FBXO22: variants seen among roughly 807,000 people sequenced by gnomAD.
FBXO22 encodes the protein F-box only protein 22.
A neutral mutation model predicts 37.2 loss-of-function variants in FBXO22; 13 were observed. That is an observed-to-expected ratio of 0.35 (90% CI 0.23 to 0.56). The LOEUF (loss-of-function observed/expected upper bound fraction) is 0.56. FBXO22 is among the 20% of genes least tolerant of loss of function. FBXO22 has a pLI of 0.87. For synonymous variants in FBXO22, 189 were observed against 189.1 expected, an observed-to-expected ratio of 1.00 and a Z score of 0.00; for missense variants, 446 against 509.9, an observed-to-expected ratio of 0.87 and a Z score of 1.21.
chr15:75,920,298 C>T (rs1457995888), intron 5 of FBXO22, among the ~76,000 whole-genome samples: 1 of 152,136 alleles, frequency 6.6e-6, no homozygotes, highest in Non-Finnish European at 1.5e-5. Flanking sequence ...TGGCTGTGGT[C>T]AGACATGTTG....
intron 6 of FBXO22, 84 bp from the exon 7 acceptor site, chr15:75,932,601 C>T (rs1045545440): frequency 3.4e-5 from 45 of 1,317,754 alleles, no homozygotes; most frequent in African/African-American, 1.6e-4. Flanking sequence ...AGCAGCCTCC[C>T]GTCAGTGAAT....
At chr15:75,932,586 A>T in intron 6 of FBXO22, 99 bp from the exon 7 acceptor site, 1 of 1,169,790 alleles carries the variant, frequency 8.5e-7, no homozygotes, top group Non-Finnish European at 1.2e-6. Flanking sequence ...TAGGCTGCTA[A>T]AGGCAGCAGC....
At chr15:75,906,035 TTTAA>T (rs925774073) in intron 2 of FBXO22, among the ~76,000 whole-genome samples, 8 of 152,238 alleles carry the variant, frequency 5.3e-5, no homozygotes, top group Non-Finnish European at 1.2e-4. Flanking sequence ...CGGAGTCTTA[TTTAA>T]TTCAGTGGGA....
Position 75,929,584 on chromosome 15 carries a change from A to G in FBXO22, c.629-300A>G, listed in dbSNP as rs181406397. ...TCTACCAAGAGTTGCTGCTCAGTAC[A>G]TAGCTGCTTCATTATTTGTGTTGAT... On this transcript the variant is annotated intron_variant, in intron 5 of 6. Coordinates refer to ENST00000308275, the MANE Select transcript of FBXO22 (RefSeq NM_147188.3). 2.9e-3 allele frequency among the ~76,000 whole-genome samples: 437 copies of G among 151,966 alleles called. 5 individuals are homozygous for G. The highest frequency in any genetic ancestry group is 1.0e-2 in the African/African-American group (413 of 41,458).
At chr15:75,919,381 A>G (rs1213399859) in intron 5 of FBXO22, among the ~76,000 whole-genome samples, 1 of 152,180 alleles carries the variant, frequency 6.6e-6, no homozygotes. Flanking sequence ...GCCCTTCCAC[A>G]ATGTATATAT....
intron 6 of FBXO22, 100 bp from the exon 7 acceptor site, chr15:75,932,585 A>T: frequency 8.6e-7 from 1 of 1,158,074 alleles, no homozygotes; most frequent in Non-Finnish European, 1.2e-6. Context: ...ATAGGCTGCT[A>T]AAGGCAGCAG....
At chr15:75,930,617 TA>T (rs2141724845) in intron 6 of FBXO22, 1 of 985,576 alleles carries the variant, frequency 1.0e-6, no homozygotes, top group African/African-American at 1.7e-5. Flanking sequence ...TTTTTGTTAC[TA>T]AGGCTTTTGC....
intron 4 of FBXO22, among the ~76,000 whole-genome samples, chr15:75,915,049 C>T (rs903770599): frequency 1.3e-5 from 2 of 152,210 alleles, no homozygotes; most frequent in African/African-American, 4.8e-5. Context: ...CTCACTGCGA[C>T]TTCTGCCTCC....
intron 2 of FBXO22, among the ~76,000 whole-genome samples, chr15:75,912,380 CTG>C (rs985407160): frequency 1.2e-4 from 19 of 152,242 alleles, no homozygotes; most frequent in African/African-American, 4.6e-4. Flanking sequence ...TAGAATTCGG[CTG>C]TGAATTCGTC....
intron 2 of FBXO22, among the ~76,000 whole-genome samples, 199 bp downstream of exon 2, chr15:75,904,828 T>A (rs1899886673): frequency 6.8e-6 from 1 of 147,294 alleles, no homozygotes; most frequent in Admixed American, 6.7e-5. Context: ...TGTTGGGCCT[T>A]TTTTTTTTTT....
chr15:75,905,524 A>C (rs1250353296), intron 2 of FBXO22: 16 of 152,236 alleles, frequency 1.1e-4, no homozygotes, highest in Admixed American at 1.0e-3. Context: ...ACTACGGTGC[A>C]GCCGTCACAA....
In FBXO22 at chr15:75,941,222, C is replaced by T. The variant is rs1160616066; in HGVS notation, c.*8120C>T. 1 of 151,950 alleles carries T rather than the reference C, an allele frequency of 6.6e-6. No individual in the cohort carries two copies. The highest frequency in any genetic ancestry group is 2.4e-5 in the African/African-American group (1 of 41,384). 9.4% of individuals were successfully genotyped at this position (151,950 alleles called of 1,614,324 possible). ...ACAGTAAGGAAATGCAAATCAAAAC[C>T]ACATTGAGATACCACTTCATACCCA... On this transcript the variant is annotated 3_prime_UTR_variant, in exon 7 of 7. Coordinates refer to ENST00000308275, the MANE Select transcript of FBXO22 (RefSeq NM_147188.3).
At position 75,939,472 on chromosome 15, in the gene FBXO22, T is replaced by C. The variant is rs1204805991; in HGVS notation, c.*6370T>C. The C allele has an allele frequency of 6.6e-6, 1 of 152,202 alleles. No individual in the cohort carries two copies. Among genetic ancestry groups the C allele is most frequent in the African/African-American group, 2.4e-5 (1 of 41,458 alleles). The allele number at this position is 152,202 out of a possible 1,614,324, so 9.4% of individuals were successfully genotyped here. A position where few individuals can be genotyped will look rare whatever the true frequency, so the allele number is the denominator to read the frequency against. On this transcript the variant is annotated 3_prime_UTR_variant, in exon 7 of 7. Coordinates refer to ENST00000308275, the MANE Select transcript of FBXO22 (RefSeq NM_147188.3). Reference sequence around the variant, plus strand: ...CACTGGACCTGATGGTTTTCATTTGTGAATTCTACCAAATAAGAAGAAATA... The same window carrying C: ...CACTGGACCTGATGGTTTTCATTTGCGAATTCTACCAAATAAGAAGAAATA...
rs2141729625 is a variant in FBXO22 at position 75,934,970 on chromosome 15, T to C, written c.*1868T>C. On this transcript the variant is annotated 3_prime_UTR_variant, in exon 7 of 7. Coordinates refer to ENST00000308275, the MANE Select transcript of FBXO22 (RefSeq NM_147188.3). ...GATACAGGGTAATTTCATACAATAT[T>C]TGATGTTGTTAAAGCATTCCTTTTT... is the stretch of plus-strand genomic sequence containing the variant. The C allele has an allele frequency of 6.6e-6, 1 of 152,334 alleles. No homozygotes were observed. The highest frequency in any genetic ancestry group is 1.9e-4 in the East Asian group (1 of 5,192). The allele number at this position is 152,334 out of a possible 1,614,324, so 9.4% of individuals were successfully genotyped here.
intron 1 of FBXO22, 98 bp from the exon 2 acceptor site, chr15:75,904,393 G>T: frequency 1.3e-6 from 2 of 1,567,748 alleles, no homozygotes; most frequent in Non-Finnish European, 1.7e-6. Context: ...ATCCCGCAGG[G>T]ATCTCCTGCT....
Position 75,933,767 on chromosome 15 carries a change from A to G in FBXO22, c.*665A>G, listed in dbSNP as rs779569723. 6.4e-6 allele frequency: 2 copies of G among 311,082 alleles called. No individual in the cohort carries two copies. The highest frequency in any genetic ancestry group is 5.3e-5 in the South Asian group (2 of 37,620). The allele number at this position is 311,082 out of a possible 1,614,324, so 19.3% of individuals were successfully genotyped here. The stretch of plus-strand genomic sequence containing the variant: ...GTCTAAATAGCTAACTAACTGGTAG[A>G]CCAGAGTATTACATCATCTTATTTT... On this transcript the variant is annotated 3_prime_UTR_variant, in exon 7 of 7. Coordinates refer to ENST00000308275, the MANE Select transcript of FBXO22 (RefSeq NM_147188.3).
intron 2 of FBXO22, among the ~76,000 whole-genome samples, chr15:75,905,892 A>G (rs1426250554): frequency 1.3e-5 from 2 of 152,328 alleles, no homozygotes; most frequent in African/African-American, 2.4e-5. Flanking sequence ...TGATTACTCA[A>G]TTAAGGCGAT....
rs1595922294 is a variant in FBXO22, at chr15:75,935,793, TTTC to T, written c.*2694_*2696del. The stretch of plus-strand genomic sequence containing the variant: ...AATAAACTTTTACAAATCTGAGAAC[TTTC>T]TTTTTTTTTGAGACGGAGTCCCGCT... On this transcript the variant is annotated 3_prime_UTR_variant, in exon 7 of 7. Coordinates refer to ENST00000308275, the MANE Select transcript of FBXO22 (RefSeq NM_147188.3). 6.6e-6 allele frequency: 1 copy of T among 152,140 alleles called. No homozygotes were observed. Among genetic ancestry groups the T allele is most frequent in the African/African-American group, 2.4e-5 (1 of 41,496 alleles). The allele number at this position is 152,140 out of a possible 1,614,324, so 9.4% of individuals were successfully genotyped here.
At position 75,930,002 on chromosome 15, in the gene FBXO22, C is replaced by T. The variant is rs1415533728; in HGVS notation, c.747C>T (p.Ile249=). 4 of 1,614,102 alleles carry T rather than the reference C, an allele frequency of 2.5e-6. No homozygotes were observed. The highest frequency in any genetic ancestry group is 3.4e-6 in the Non-Finnish European group (4 of 1,179,974). ...GCACTTTCAGTGATATGAATATCAT[C>T]TTGGCTGGAGGCCAGGTGGACAACC... ...VVSTFSDMNI[I]LAGGQVDNLS... The change falls in exon 6 of 7, where the codon ATC becomes ATT. Residue 249 remains isoleucine, a synonymous_variant. Coordinates refer to ENST00000308275, the MANE Select transcript of FBXO22 (RefSeq NM_147188.3).
Sources: allele counts gnomAD v4.1 joint callset (sites outside exome capture counted in the v4.1 genomes callset), GRCh38; gene constraint gnomAD v4.1.1; transcripts MANE v1.5; gene names NCBI Gene and HGNC (gene_info 2026-07-23, HGNC 2026-07-21).